Variants in THADA observed in about 807,000 individuals in gnomAD.
The protein encoded by THADA is THADA armadillo repeat containing, also known as tRNA (32-2'-O)-methyltransferase regulator THADA.
A neutral mutation model predicts 219.8 loss-of-function variants in THADA; 213 were observed. That is an observed-to-expected ratio of 0.97 (90% CI 0.87 to 1.09). The LOEUF (loss-of-function observed/expected upper bound fraction) is 1.09. Among genes scored for constraint, THADA ranks in the 50% least tolerant of loss-of-function variants. THADA has a pLI of 0.00. For missense variants in THADA, 2,956 were observed against 2,311.3 expected (o/e 1.28, Z -5.72); for synonymous variants, 1,018 against 828.9 (o/e 1.23, Z -3.92).
chr2:43,388,444 G>C (rs1304781207), intron 29 of THADA, among the ~76,000 whole-genome samples: 2 of 152,202 alleles, frequency 1.3e-5, no homozygotes, highest in African/African-American at 4.8e-5. Context: ...GAATGTGCTA[G>C]ATTAATCTAT....
At chr2:43,465,803 A>G (rs895190701) in intron 26 of THADA, among the ~76,000 whole-genome samples, 4 of 152,134 alleles carry the variant, frequency 2.6e-5, no homozygotes, top group African/African-American at 9.7e-5. Flanking sequence ...ACTGCCAAAT[A>G]GATGTCATTT....
intron 25 of THADA, among the ~76,000 whole-genome samples, chr2:43,487,672 G>C (rs1687078302): frequency 6.6e-6 from 1 of 152,134 alleles, no homozygotes; most frequent in African/African-American, 2.4e-5. Flanking sequence ...CATGGGGGTA[G>C]AGCTCTCACG....
At chr2:43,578,155 T>A (rs1362913943) in intron 9 of THADA, among the ~76,000 whole-genome samples, 1 of 141,848 alleles carries the variant, frequency 7.0e-6, no homozygotes, top group Non-Finnish European at 1.5e-5. Context: ...ATATTTTTAA[T>A]TTTTTTTTTT....
chr2:43,476,934 GA>G (rs1558823370), intron 26 of THADA, among the ~76,000 whole-genome samples: 1 of 152,116 alleles, frequency 6.6e-6, no homozygotes, highest in East Asian at 1.9e-4. Context: ...GGTTATTATA[GA>G]ATTTTTAAAG....
intron 24 of THADA, among the ~76,000 whole-genome samples, chr2:43,501,070 C>T (rs764152916): frequency 6.6e-6 from 1 of 151,834 alleles, no homozygotes; most frequent in Admixed American, 6.6e-5. Context: ...CTTTGGGAAG[C>T]TGAAGTAGGT....
At chr2:43,432,050 G>A (rs1679413060) in intron 26 of THADA, among the ~76,000 whole-genome samples, 2 of 131,804 alleles carry the variant, frequency 1.5e-5, no homozygotes, top group Non-Finnish European at 3.1e-5. Context: ...TAGAGACGGG[G>A]TTTCACCGTT....
At chr2:43,297,596 TG>T (rs1218699490) in intron 31 of THADA, among the ~76,000 whole-genome samples, 1 of 70,082 alleles carries the variant, frequency 1.4e-5, no homozygotes, top group East Asian at 3.8e-4. Flanking sequence ...GGGAGGGAGG[TG>T]GGGGGGTCAG....
chr2:43,250,361 G>A (rs970566729), intron 36 of THADA, among the ~76,000 whole-genome samples: 1 of 152,192 alleles, frequency 6.6e-6, no homozygotes, highest in African/African-American at 2.4e-5. Context: ...AAGTCACGGA[G>A]ACAGAAAGCA....
chr2:43,527,755 G>C, intron 22 of THADA, 124 bp downstream of exon 22: 2 of 603,616 alleles, frequency 3.3e-6, no homozygotes, highest in East Asian at 2.8e-5. Flanking sequence ...TTTCTTCCAA[G>C]AGTTTTGTAG....
At chr2:43,274,553 T>C (rs557758656) in intron 36 of THADA, among the ~76,000 whole-genome samples, 1 of 152,272 alleles carries the variant, frequency 6.6e-6, no homozygotes, top group African/African-American at 2.4e-5. Flanking sequence ...AAGCGTAGAA[T>C]AGCAAAGGCT....
intron 14 of THADA, among the ~76,000 whole-genome samples, chr2:43,569,048 C>T (rs1699004611): frequency 6.6e-6 from 1 of 152,058 alleles, no homozygotes; most frequent in Non-Finnish European, 1.5e-5. Flanking sequence ...TAAGGCTCAC[C>T]ACAGCCCTCA....
intron 26 of THADA, among the ~76,000 whole-genome samples, chr2:43,469,935 C>T (rs1286297374): frequency 3.3e-5 from 5 of 151,984 alleles, no homozygotes; most frequent in East Asian, 1.9e-4. Flanking sequence ...CGACAAGGGC[C>T]GGGTGTGGCT....
intron 26 of THADA, among the ~76,000 whole-genome samples, chr2:43,431,649 T>TCACCG (rs1558750565): frequency 8.9e-4 from 32 of 35,874 alleles, no homozygotes; most frequent in African/African-American, 2.1e-3. Context: ...GTACTTTTTT[T>TCACCG]TTTTTTTTTT....
chr2:43,532,492 G>A (rs1694013279), intron 21 of THADA, among the ~76,000 whole-genome samples: 1 of 150,228 alleles, frequency 6.7e-6, no homozygotes, highest in Non-Finnish European at 1.5e-5. Flanking sequence ...CAGAACCAAT[G>A]ACAAAAACCA....
intron 36 of THADA, among the ~76,000 whole-genome samples, chr2:43,241,461 C>A (rs1662567675): frequency 6.6e-6 from 1 of 150,624 alleles, no homozygotes; most frequent in Non-Finnish European, 1.5e-5. Context: ...CAAACACACA[C>A]AACTTGGGTT....
intron 22 of THADA, among the ~76,000 whole-genome samples, chr2:43,511,302 T>C (rs919029454): frequency 6.6e-6 from 1 of 152,168 alleles, no homozygotes; most frequent in Non-Finnish European, 1.5e-5. Flanking sequence ...ATACACTAAA[T>C]ACTAGTTCAA....
intron 28 of THADA, among the ~76,000 whole-genome samples, chr2:43,407,014 AG>A (rs1341888736): frequency 6.6e-6 from 1 of 152,222 alleles, no homozygotes; most frequent in African/African-American, 2.4e-5. Context: ...GACTCTTTAA[AG>A]GGGGCTGAAC....
intron 22 of THADA, among the ~76,000 whole-genome samples, chr2:43,513,966 A>G (rs10169346): frequency 0.14 from 21,284 of 150,970 alleles, 1,989 homozygotes; most frequent in African/African-American, 0.27. Flanking sequence ...AGGCTAAAGC[A>G]GGAAGATCAC....
chr2:43,457,554 A>G (rs184651152), intron 26 of THADA, among the ~76,000 whole-genome samples: 2 of 152,300 alleles, frequency 1.3e-5, no homozygotes, highest in Admixed American at 6.5e-5. Context: ...AATAAAAACA[A>G]TGAATTGAAG....
Sources: allele counts gnomAD v4.1 joint callset (sites outside exome capture counted in the v4.1 genomes callset), GRCh38; gene constraint gnomAD v4.1.1; transcripts MANE v1.5; gene names NCBI Gene and HGNC (gene_info 2026-07-23, HGNC 2026-07-21).